PTPRJ: variants seen among roughly 807,000 people sequenced by gnomAD.
The protein encoded by PTPRJ is protein tyrosine phosphatase receptor type J, also known as receptor-type tyrosine-protein phosphatase eta.
Under a neutral mutation model 141.3 loss-of-function variants are expected in PTPRJ, and 129 were observed. The observed-to-expected ratio is 0.91, with a 90% CI of 0.79 to 1.06. The LOEUF (loss-of-function observed/expected upper bound fraction) is 1.06, where lower values mean the gene tolerates loss of function less well. Among genes scored for constraint, PTPRJ ranks in the 50% least tolerant of loss-of-function variants. The pLI is 0.00. For synonymous variants in PTPRJ, 610 were observed against 640.5 expected, an observed-to-expected ratio of 0.95 and a Z score of 0.72; for missense variants, 1,601 against 1,679.7, an observed-to-expected ratio of 0.95 and a Z score of 0.82.
chr11:48,125,493 T>C lies in PTPRJ; in HGVS notation c.1093+307T>C, dbSNP rs192564182. ...GATGAGACAAACTGGCATCATACTTTCCTCTTAAAAACAAATAATCATTGC... is the reference window on the plus strand; with the variant it reads ...GATGAGACAAACTGGCATCATACTTCCCTCTTAAAAACAAATAATCATTGC... On this transcript the variant is annotated intron_variant, in intron 6 of 24. Transcript: ENST00000418331. Among the ~76,000 whole-genome samples, 10 of 152,346 alleles carry C rather than the reference T, an allele frequency of 6.6e-5. No homozygotes were observed. In the East Asian group the frequency reaches 1.7e-3, roughly 26 times the overall value.
intron 1 of PTPRJ, among the ~76,000 whole-genome samples, chr11:48,040,129 C>T (rs183425204): frequency 1.4e-4 from 22 of 152,254 alleles, no homozygotes; most frequent in Admixed American, 1.2e-3. Flanking sequence ...ATCCTGTCCC[C>T]GAGCGTCTCT....
intron 1 of PTPRJ, among the ~76,000 whole-genome samples, chr11:48,097,936 G>A (rs1856055643): frequency 6.6e-6 from 1 of 152,136 alleles, no homozygotes; most frequent in African/African-American, 2.4e-5. Context: ...AGAGCTCAAA[G>A]GGCCTGACTT....
At chr11:48,146,540 A>G (rs1857354719) in intron 14 of PTPRJ, among the ~76,000 whole-genome samples, 1 of 152,196 alleles carries the variant, frequency 6.6e-6, no homozygotes, top group Non-Finnish European at 1.5e-5. Flanking sequence ...TCAAAATGTC[A>G]GAGGTGGCAG....
intron 1 of PTPRJ, among the ~76,000 whole-genome samples, chr11:48,051,789 G>C (rs962474845): frequency 6.6e-6 from 1 of 152,192 alleles, no homozygotes; most frequent in Non-Finnish European, 1.5e-5. Flanking sequence ...CTGGCATTTT[G>C]AGCATGAGTT....
intron 1 of PTPRJ, among the ~76,000 whole-genome samples, chr11:48,100,169 G>C (rs2134311895): frequency 6.6e-6 from 1 of 152,328 alleles, no homozygotes; most frequent in East Asian, 1.9e-4. Flanking sequence ...ATGATGGACA[G>C]AAGGAGACAA....
Position 47,995,821 on chromosome 11 carries a change from C to T in PTPRJ, c.96+14813C>T, listed in dbSNP as rs949866673. 9.2e-5 allele frequency among the ~76,000 whole-genome samples: 14 copies of T among 152,220 alleles called. No individual in the cohort carries two copies. The South Asian group carries it at 2.1e-3, about 23-fold the overall frequency. The stretch of plus-strand genomic sequence containing the variant: ...TTGGGAGGCTGAGGCGGGCGGATCA[C>T]GAGGTCAGGAGTTCAGGACCAGCCT... On this transcript the variant is annotated intron_variant, in intron 1 of 24. Coordinates refer to ENST00000418331, the MANE Select transcript of PTPRJ (RefSeq NM_002843.4).
Position 48,153,982 on chromosome 11 carries a change from C to T in PTPRJ, c.3229+96C>T, listed in dbSNP as rs1857545052. On this transcript the variant is annotated intron_variant, in intron 19 of 24. Transcript: ENST00000418331. ...GAGGGAATCAGTGATCCTAAGTAAC[C>T]ACTTCCACAACCATTCATTAGTCAC... The T allele has an allele frequency of 4.8e-6, 4 of 839,084 alleles. No homozygotes were observed. In the East Asian group the frequency reaches 1.1e-4, roughly 22 times the overall value. 52.0% of individuals were successfully genotyped at this position (839,084 alleles called of 1,614,324 possible).
At position 48,009,946 on chromosome 11, in the gene PTPRJ, T is replaced by G. The variant is rs369899084; in HGVS notation, c.96+28938T>G. 2.6e-5 allele frequency among the ~76,000 whole-genome samples: 4 copies of G among 152,254 alleles called. No individual in the cohort carries two copies. In the South Asian group the frequency reaches 8.3e-4, roughly 31 times the overall value. On this transcript the variant is annotated intron_variant, in intron 1 of 24. Transcript: ENST00000418331. ...AAGGCCCCCCATGCCTGTTGGATACTGTTGAGTTATTTGGGTTGGCATGTA... is the reference window on the plus strand; with the variant it reads ...AAGGCCCCCCATGCCTGTTGGATACGGTTGAGTTATTTGGGTTGGCATGTA...
intron 1 of PTPRJ, among the ~76,000 whole-genome samples, chr11:48,106,885 C>T (rs1346554303): frequency 6.6e-6 from 1 of 151,270 alleles, no homozygotes; most frequent in African/African-American, 2.4e-5. Context: ...TCTCCTGCCT[C>T]AGCCTCCCAG....
intron 1 of PTPRJ, among the ~76,000 whole-genome samples, chr11:48,087,172 T>A (rs1267777847): frequency 6.6e-6 from 1 of 152,218 alleles, no homozygotes; most frequent in Non-Finnish European, 1.5e-5. Flanking sequence ...CTAAGATTAG[T>A]ATGGTTGGAA....
At chr11:48,125,829 T>G (rs1259959135) in intron 6 of PTPRJ, among the ~76,000 whole-genome samples, 2 of 152,226 alleles carry the variant, frequency 1.3e-5, no homozygotes, top group African/African-American at 4.8e-5. Flanking sequence ...ATGACAGTTT[T>G]TCCTGGTATC....
intron 1 of PTPRJ, among the ~76,000 whole-genome samples, chr11:48,062,186 A>G (rs1038101467): frequency 6.6e-6 from 1 of 150,496 alleles, no homozygotes; most frequent in Non-Finnish European, 1.5e-5. Context: ...GGCATGAACT[A>G]CCATGCCCGG....
At chr11:47,992,086 A>T (rs1854207878) in intron 1 of PTPRJ, among the ~76,000 whole-genome samples, 1 of 152,202 alleles carries the variant, frequency 6.6e-6, no homozygotes, top group African/African-American at 2.4e-5. Flanking sequence ...GGTATGACTC[A>T]GAGTGGCTGT....
At chr11:48,043,364 C>G (rs954814416) in intron 1 of PTPRJ, among the ~76,000 whole-genome samples, 1 of 152,124 alleles carries the variant, frequency 6.6e-6, no homozygotes, top group Admixed American at 6.5e-5. Flanking sequence ...CAGGCAGGAG[C>G]CACATTTCCT....
intron 10 of PTPRJ, among the ~76,000 whole-genome samples, chr11:48,138,698 AACTTAG>A (rs1006648244): frequency 9.2e-5 from 14 of 152,188 alleles, no homozygotes; most frequent in Admixed American, 7.2e-4. Context: ...GAGTGTCTTG[AACTTAG>A]ACTTAGAAAA....
intron 1 of PTPRJ, among the ~76,000 whole-genome samples, chr11:48,103,685 G>A (rs12282960): frequency 0.011 from 1,617 of 152,306 alleles, 25 homozygotes; most frequent in African/African-American, 0.036. Flanking sequence ...ACACAGATAT[G>A]TATGAAATGT....
intron 1 of PTPRJ, among the ~76,000 whole-genome samples, chr11:48,098,077 A>T (rs1436765338): frequency 2.6e-5 from 4 of 152,084 alleles, no homozygotes; most frequent in African/African-American, 9.7e-5. Flanking sequence ...AATCCCTAGG[A>T]TCTTGTCCCC....
intron 1 of PTPRJ, among the ~76,000 whole-genome samples, chr11:48,021,374 C>CT (rs1855114540): frequency 8.1e-6 from 1 of 123,598 alleles, no homozygotes; most frequent in South Asian, 2.9e-4. Context: ...GACTCCGTCC[C>CT]TAAAATAAAT....
At chr11:48,065,493 A>G (rs1386536379) in intron 1 of PTPRJ, among the ~76,000 whole-genome samples, 1 of 152,166 alleles carries the variant, frequency 6.6e-6, no homozygotes, top group Non-Finnish European at 1.5e-5. Flanking sequence ...CATGTTCTAG[A>G]AACATCTGTA....
Sources: allele counts gnomAD v4.1 joint callset (sites outside exome capture counted in the v4.1 genomes callset), GRCh38; gene constraint gnomAD v4.1.1; transcripts MANE v1.5; gene names NCBI Gene and HGNC (gene_info 2026-07-23, HGNC 2026-07-21).